Variants in DNAJC1 observed in about 807,000 individuals in gnomAD.
DNAJC1 encodes DnaJ heat shock protein family (Hsp40) member C1.
DNAJC1 carries 58 observed loss-of-function variants against 76.6 expected under a neutral mutation model. That is an observed-to-expected ratio of 0.76 (90% CI 0.61 to 0.94). DNAJC1 has a LOEUF of 0.94. Ranked by LOEUF, DNAJC1 falls within the 40% of genes least tolerant of loss-of-function variation. The probability of loss-of-function intolerance (pLI) is 0.00; values close to 1 mark genes in which losing one functional copy is unlikely to be tolerated. For synonymous variants in DNAJC1, 258 were observed against 267.9 expected, an observed-to-expected ratio of 0.96 and a Z score of 0.36; for missense variants, 689 against 677.3, an observed-to-expected ratio of 1.02 and a Z score of -0.19.
intron 8 of DNAJC1, among the ~76,000 whole-genome samples, chr10:21,832,272 G>C (rs560912394): frequency 1.3e-5 from 2 of 152,074 alleles, no homozygotes; most frequent in African/African-American, 4.8e-5. Context: ...TTCCTTTTCT[G>C]GTTCTGATTC....
intron 8 of DNAJC1, among the ~76,000 whole-genome samples, chr10:21,837,891 G>A (rs1320168338): frequency 2.0e-5 from 3 of 147,756 alleles, no homozygotes; most frequent in Non-Finnish European, 4.5e-5. Flanking sequence ...CCCCCGCCCG[G>A]CCAGCCGCCC....
chr10:21,825,949 T>C (rs532581192), intron 8 of DNAJC1, among the ~76,000 whole-genome samples: 1 of 152,212 alleles, frequency 6.6e-6, no homozygotes, highest in Admixed American at 6.5e-5. Context: ...ATAGAAAACA[T>C]ATCGACCAGC....
At chr10:21,829,917 A>G (rs1403855136) in intron 8 of DNAJC1, among the ~76,000 whole-genome samples, 1 of 152,142 alleles carries the variant, frequency 6.6e-6, no homozygotes, top group East Asian at 1.9e-4. Flanking sequence ...TCCTCTCTCA[A>G]TTGGCTTGGA....
At chr10:21,820,038 A>G (rs1835134226) in intron 8 of DNAJC1, among the ~76,000 whole-genome samples, 1 of 152,238 alleles carries the variant, frequency 6.6e-6, no homozygotes, top group Admixed American at 6.5e-5. Flanking sequence ...CACAATTTTG[A>G]AGCATTTTCA....
intron 1 of DNAJC1, among the ~76,000 whole-genome samples, chr10:21,979,677 T>C (rs1838120877): frequency 6.6e-6 from 1 of 151,844 alleles, no homozygotes; most frequent in Non-Finnish European, 1.5e-5. Context: ...AAAGACAGAA[T>C]ACCTGTAAAG....
chr10:21,836,376 C>G (rs1224382736), intron 8 of DNAJC1, among the ~76,000 whole-genome samples: 1 of 152,138 alleles, frequency 6.6e-6, no homozygotes, highest in Admixed American at 6.5e-5. Flanking sequence ...AAAAAACATG[C>G]CAAACTGTAA....
chr10:21,900,160 T>C (rs1836624856), intron 7 of DNAJC1, among the ~76,000 whole-genome samples: 1 of 151,964 alleles, frequency 6.6e-6, no homozygotes, highest in South Asian at 2.1e-4. Flanking sequence ...CTGGACAACA[T>C]GGTGAAACCC....
chr10:21,815,836 C>T (rs914326778), intron 8 of DNAJC1, among the ~76,000 whole-genome samples: 5 of 151,640 alleles, frequency 3.3e-5, no homozygotes, highest in African/African-American at 7.3e-5. Flanking sequence ...ACCTCTGCCT[C>T]CCAGGTTCAA....
chr10:21,891,716 A>G (rs1417527534), intron 7 of DNAJC1, among the ~76,000 whole-genome samples: 1 of 152,224 alleles, frequency 6.6e-6, no homozygotes, highest in East Asian at 1.9e-4. Flanking sequence ...ATCCTGTGAC[A>G]ATATCTTACC....
intron 8 of DNAJC1, among the ~76,000 whole-genome samples, chr10:21,841,647 T>C (rs1371018944): frequency 6.6e-6 from 1 of 152,220 alleles, no homozygotes; most frequent in Non-Finnish European, 1.5e-5. Context: ...ATTTTTACAC[T>C]GTTGGTGGGA....
At chr10:21,835,774 T>G (rs1022437403) in intron 8 of DNAJC1, among the ~76,000 whole-genome samples, 1 of 151,826 alleles carries the variant, frequency 6.6e-6, no homozygotes, top group Non-Finnish European at 1.5e-5. Flanking sequence ...GAAGTTTACA[T>G]AAAAAAGAAT....
intron 10 of DNAJC1, among the ~76,000 whole-genome samples, chr10:21,762,053 G>A (rs374159203): frequency 2.0e-5 from 3 of 151,904 alleles, no homozygotes; most frequent in South Asian, 2.1e-4. Flanking sequence ...GACTACAGGC[G>A]TCAGCCTCTC....
At chr10:21,969,786 G>T (rs1837950935) in intron 1 of DNAJC1, among the ~76,000 whole-genome samples, 1 of 152,136 alleles carries the variant, frequency 6.6e-6, no homozygotes, top group South Asian at 2.1e-4. Context: ...AGCACCTTAT[G>T]ATTGGTATTA....
At chr10:21,849,309 A>C (rs1245952464) in intron 8 of DNAJC1, among the ~76,000 whole-genome samples, 2 of 150,340 alleles carry the variant, frequency 1.3e-5, no homozygotes, top group East Asian at 1.9e-4. Flanking sequence ...AAAAAAAAAA[A>C]AAAAAAAAAA....
At chr10:21,803,968 T>C in intron 9 of DNAJC1, 3 of 984,840 alleles carry the variant, frequency 3.0e-6, no homozygotes, top group Non-Finnish European at 3.6e-6. Flanking sequence ...CACGGAATCA[T>C]TCTGCCTTGG....
chr10:21,911,039 G>C (rs1344603517), intron 6 of DNAJC1, among the ~76,000 whole-genome samples: 1 of 86,502 alleles, frequency 1.2e-5, no homozygotes, highest in Non-Finnish European at 2.2e-5. Context: ...GAAAGAGAGA[G>C]AAAGGAAGGA....
chr10:21,948,259 C>T (rs1407271088), intron 1 of DNAJC1, among the ~76,000 whole-genome samples: 1 of 151,938 alleles, frequency 6.6e-6, no homozygotes, highest in Non-Finnish European at 1.5e-5. Flanking sequence ...CCTGGCCCAA[C>T]TTGCAGTCTT....
At chr10:21,897,606 C>T (rs1836564566) in intron 7 of DNAJC1, among the ~76,000 whole-genome samples, 1 of 152,168 alleles carries the variant, frequency 6.6e-6, no homozygotes, top group Non-Finnish European at 1.5e-5. Context: ...ATCTAAGTTG[C>T]ACAATCTTTA....
At chr10:21,841,626 G>A (rs1703648346) in intron 8 of DNAJC1, among the ~76,000 whole-genome samples, 1 of 152,220 alleles carries the variant, frequency 6.6e-6, no homozygotes, top group Non-Finnish European at 1.5e-5. Context: ...AGGATGTGGA[G>A]TAATAGGAAC....
Sources: allele counts gnomAD v4.1 joint callset (sites outside exome capture counted in the v4.1 genomes callset), GRCh38; gene constraint gnomAD v4.1.1; transcripts MANE v1.5; gene names NCBI Gene and HGNC (gene_info 2026-07-23, HGNC 2026-07-21).